Variants in SENP1 observed in about 807,000 individuals in gnomAD.
The protein encoded by SENP1 is sentrin-specific protease 1.
SENP1 carries 21 observed loss-of-function variants against 93.0 expected under a neutral mutation model. The ratio of observed to expected loss-of-function variants is 0.23; its 90% CI spans 0.16 to 0.33. The LOEUF is 0.33. Among genes scored for constraint, SENP1 ranks in the 10% least tolerant of loss-of-function variants. The pLI is 1.00. For synonymous variants in SENP1, 256 were observed against 259.6 expected (o/e 0.99, Z 0.13); for missense variants, 591 against 758.7 (o/e 0.78, Z 2.60).
At chr12:48,096,292 C>A (rs374579395) in intron 4 of SENP1, 51 bp downstream of exon 4, 2 of 1,012,300 alleles carry the variant, frequency 2.0e-6, no homozygotes, top group Non-Finnish European at 3.0e-6. Context: ...GATATGCTAT[C>A]AAGAAATCCA....
At chr12:48,063,480 A>C (rs1592340697) in intron 13 of SENP1, among the ~76,000 whole-genome samples, 2 of 152,314 alleles carry the variant, frequency 1.3e-5, no homozygotes, top group Admixed American at 1.3e-4. Context: ...ATCTTCAACA[A>C]GAAAAGGTAA....
chr12:48,047,943 T>C, intron 15 of SENP1, 58 bp downstream of exon 15: 1 of 1,114,668 alleles, frequency 9.0e-7, no homozygotes, highest in South Asian at 1.3e-5. Flanking sequence ...GTTCAATTAC[T>C]GGAAAAACAC....
intron 4 of SENP1, among the ~76,000 whole-genome samples, chr12:48,094,813 A>C (rs1329895948): frequency 6.6e-6 from 1 of 152,202 alleles, no homozygotes; most frequent in Non-Finnish European, 1.5e-5. Context: ...TAAAGCAGAG[A>C]TTCTATCCAA....
chr12:48,082,606 CA>C (rs1260883719), intron 6 of SENP1, among the ~76,000 whole-genome samples: 1 of 152,114 alleles, frequency 6.6e-6, no homozygotes, highest in Non-Finnish European at 1.5e-5. Context: ...TTTGTATCTC[CA>C]AGCAACCACA....
At chr12:48,060,816 C>T (rs1052032319) in intron 13 of SENP1, among the ~76,000 whole-genome samples, 3 of 152,148 alleles carry the variant, frequency 2.0e-5, no homozygotes, top group Admixed American at 2.0e-4. Context: ...AACTAATCTC[C>T]TGACCCAGTA....
intron 4 of SENP1, among the ~76,000 whole-genome samples, chr12:48,094,365 G>A (rs983064464): frequency 2.0e-5 from 3 of 152,010 alleles, no homozygotes; most frequent in African/African-American, 7.2e-5. Flanking sequence ...GGGTGACAGA[G>A]TGAAACTCTG....
chr12:48,066,354 A>G (rs1223898654), intron 10 of SENP1, among the ~76,000 whole-genome samples: 1 of 152,192 alleles, frequency 6.6e-6, no homozygotes, highest in Non-Finnish European at 1.5e-5. Context: ...ATGCCAAAAT[A>G]GGATCATTTA....
intron 3 of SENP1, among the ~76,000 whole-genome samples, chr12:48,097,556 G>A (rs1240332736): frequency 1.3e-5 from 2 of 152,174 alleles, no homozygotes; most frequent in African/African-American, 4.8e-5. Flanking sequence ...TAAAGCCTGA[G>A]AGTCTGCATT....
intron 6 of SENP1, among the ~76,000 whole-genome samples, chr12:48,078,317 T>TGATATATATATATATATATATATA (rs1944242485): frequency 7.1e-5 from 5 of 70,742 alleles, no homozygotes; most frequent in Non-Finnish European, 1.4e-4. Flanking sequence ...CTGTAGGATT[T>TGATATATATATATATATATATATA]TATATATATA....
At chr12:48,077,935 G>T (rs1245456611) in intron 6 of SENP1, among the ~76,000 whole-genome samples, 1 of 151,972 alleles carries the variant, frequency 6.6e-6, no homozygotes, top group Non-Finnish European at 1.5e-5. Flanking sequence ...GTGGTCATAT[G>T]AATTTTAGTA....
intron 1 of SENP1, chr12:48,105,702 A>C (rs1592537097): frequency 2.1e-6 from 1 of 476,458 alleles, no homozygotes; most frequent in Non-Finnish European, 3.9e-6. Context: ...CGGAATCGCA[A>C]CCGGCCTTTC....
intron 2 of SENP1, 40 bp downstream of exon 2, chr12:48,101,429 T>C (rs749597043): frequency 1.3e-6 from 2 of 1,544,210 alleles, no homozygotes; most frequent in Non-Finnish European, 1.8e-6. Context: ...GCTTAACCAA[T>C]GAAAGTAGCT....
chr12:48,100,210 G>A (rs114458593), intron 2 of SENP1, among the ~76,000 whole-genome samples: 5,312 of 152,214 alleles, frequency 0.035, 135 homozygotes, highest in Non-Finnish European at 0.055. Flanking sequence ...CAGACATAAA[G>A]TACTACAAAT....
intron 13 of SENP1, among the ~76,000 whole-genome samples, chr12:48,052,280 T>G (rs1213825862): frequency 6.6e-6 from 1 of 152,260 alleles, no homozygotes; most frequent in African/African-American, 2.4e-5. Context: ...TGTTTTCTCA[T>G]GTTTTTAGAA....
chr12:48,084,376 T>C (rs767480972), intron 5 of SENP1, among the ~76,000 whole-genome samples: 4 of 151,974 alleles, frequency 2.6e-5, no homozygotes, highest in Non-Finnish European at 4.4e-5. Flanking sequence ...ATGGGAAAAA[T>C]TGGCAAATTG....
chr12:48,070,610 G>A (rs1168191228), intron 9 of SENP1, among the ~76,000 whole-genome samples: 1 of 152,158 alleles, frequency 6.6e-6, no homozygotes, highest in Non-Finnish European at 1.5e-5. Context: ...GTAAATATTT[G>A]TTAAAAGTGA....
intron 4 of SENP1, among the ~76,000 whole-genome samples, chr12:48,093,629 G>C (rs1446279239): frequency 3.3e-5 from 5 of 151,128 alleles, no homozygotes; most frequent in Non-Finnish European, 5.9e-5. Context: ...AAAAATTTTG[G>C]TTTTCAGAGG....
At chr12:48,094,409 G>T (rs993218976) in intron 4 of SENP1, among the ~76,000 whole-genome samples, 1 of 152,068 alleles carries the variant, frequency 6.6e-6, no homozygotes, top group African/African-American at 2.4e-5. Context: ...GCCAGGCACA[G>T]TGGCTCATGC....
chr12:48,103,896 G>A (rs1592509350), intron 1 of SENP1, among the ~76,000 whole-genome samples: 1 of 152,238 alleles, frequency 6.6e-6, no homozygotes, highest in East Asian at 1.9e-4. Context: ...ACAATGTCTA[G>A]GGCTGCAAGG....
Sources: allele counts gnomAD v4.1 joint callset (sites outside exome capture counted in the v4.1 genomes callset), GRCh38; gene constraint gnomAD v4.1.1; transcripts MANE v1.5; gene names NCBI Gene and HGNC (gene_info 2026-07-23, HGNC 2026-07-21).